NALCN: variants seen among roughly 807,000 people sequenced by gnomAD.
NALCN encodes the protein sodium leak channel NALCN.
A neutral mutation model predicts 225.3 loss-of-function variants in NALCN; 111 were observed. That is an observed-to-expected ratio of 0.49 (90% CI 0.42 to 0.58). The LOEUF is 0.58. NALCN is among the 20% of genes least tolerant of loss of function. The pLI, the probability that NALCN is intolerant of heterozygous loss-of-function variation, is 0.00. For synonymous variants in NALCN, 764 were observed against 769.0 expected, an observed-to-expected ratio of 0.99 and a Z score of 0.11; for missense variants, 1,378 against 2,202.4, an observed-to-expected ratio of 0.63 and a Z score of 7.49.
intron 11 of NALCN, among the ~76,000 whole-genome samples, chr13:101,257,463 A>C (rs778983334): frequency 9.2e-5 from 14 of 152,174 alleles, no homozygotes; most frequent in Non-Finnish European, 1.9e-4. Context: ...GGGTAGACTA[A>C]ATTTTTATTA....
intron 13 of NALCN, among the ~76,000 whole-genome samples, chr13:101,204,632 G>GA (rs1020640411): frequency 4.0e-5 from 6 of 150,776 alleles, no homozygotes; most frequent in East Asian, 1.9e-4. Flanking sequence ...AAGAGTAAAA[G>GA]AAAAAAAAAG....
At chr13:101,398,936 C>T in intron 2 of NALCN, 83 bp downstream of exon 2, 1 of 893,776 alleles carries the variant, frequency 1.1e-6, no homozygotes, top group South Asian at 1.4e-5. Flanking sequence ...ATTTCGAAGC[C>T]AAAGGTACAT....
intron 15 of NALCN, among the ~76,000 whole-genome samples, chr13:101,172,623 C>A (rs1411888443): frequency 6.6e-6 from 1 of 152,048 alleles, no homozygotes; most frequent in Non-Finnish European, 1.5e-5. Flanking sequence ...ACAGTGGCGC[C>A]ATCTTGGCTC....
At chr13:101,271,548 C>T (rs2042774731) in intron 10 of NALCN, among the ~76,000 whole-genome samples, 1 of 151,962 alleles carries the variant, frequency 6.6e-6, no homozygotes, top group Non-Finnish European at 1.5e-5. Flanking sequence ...CAAACTTTTC[C>T]TCCAAGCAGT....
At chr13:101,310,446 T>A (rs1440004627) in intron 7 of NALCN, among the ~76,000 whole-genome samples, 1 of 152,116 alleles carries the variant, frequency 6.6e-6, no homozygotes, top group African/African-American at 2.4e-5. Flanking sequence ...CCCTGCACAC[T>A]CTTCCCCAGA....
At chr13:101,078,031 T>C (rs533943787) in intron 34 of NALCN, among the ~76,000 whole-genome samples, 2 of 152,312 alleles carry the variant, frequency 1.3e-5, no homozygotes, top group Admixed American at 1.3e-4. Context: ...GCCCCACGAC[T>C]TGGTGGCTTA....
At chr13:101,365,297 A>G (rs919714985) in intron 6 of NALCN, among the ~76,000 whole-genome samples, 18 of 152,060 alleles carry the variant, frequency 1.2e-4, no homozygotes, top group Non-Finnish European at 1.9e-4. Context: ...AACAAGCGGT[A>G]TTTGGTTTTC....
intron 7 of NALCN, among the ~76,000 whole-genome samples, chr13:101,297,173 G>A (rs573909879): frequency 6.6e-6 from 1 of 152,152 alleles, no homozygotes; most frequent in East Asian, 1.9e-4. Context: ...AAGTGAGAGG[G>A]TCATAAAATT....
intron 22 of NALCN, 87 bp from the exon 23 acceptor site, chr13:101,105,037 C>A: frequency 8.6e-7 from 1 of 1,166,290 alleles, no homozygotes. Flanking sequence ...ATCTCATCTA[C>A]CTAAAATCTC....
At chr13:101,316,897 C>A (rs1321837754) in intron 7 of NALCN, among the ~76,000 whole-genome samples, 1 of 152,120 alleles carries the variant, frequency 6.6e-6, no homozygotes, top group Non-Finnish European at 1.5e-5. Context: ...TAAGTACTTT[C>A]ATGATGCTAA....
At chr13:101,348,183 T>G (rs978012585) in intron 6 of NALCN, among the ~76,000 whole-genome samples, 4 of 152,144 alleles carry the variant, frequency 2.6e-5, no homozygotes, top group African/African-American at 9.6e-5. Context: ...AAAAATCACA[T>G]TTCAGATATT....
intron 10 of NALCN, among the ~76,000 whole-genome samples, chr13:101,273,193 G>T (rs902193890): frequency 6.6e-6 from 1 of 152,214 alleles, no homozygotes; most frequent in African/African-American, 2.4e-5. Context: ...AAAGTGTCAA[G>T]AGATGAAAAC....
intron 6 of NALCN, chr13:101,372,933 A>T (rs1264897767): frequency 5.0e-6 from 1 of 198,130 alleles, no homozygotes; most frequent in Non-Finnish European, 1.0e-5. Context: ...TTGAGAAGAC[A>T]TAAAAAAATG....
intron 9 of NALCN, 79 bp downstream of exon 9, chr13:101,291,911 T>TC (rs2043568153): frequency 1.4e-6 from 2 of 1,408,266 alleles, no homozygotes; most frequent in Non-Finnish European, 2.0e-6. Context: ...TGCAAGAGCT[T>TC]CCCCAAGGTC....
intron 27 of NALCN, among the ~76,000 whole-genome samples, chr13:101,096,528 G>T (rs1386018098): frequency 6.6e-6 from 1 of 152,142 alleles, no homozygotes; most frequent in Non-Finnish European, 1.5e-5. Flanking sequence ...ACTCTATAGA[G>T]ACAAAAAGAA....
In NALCN at chr13:101,100,778, T is replaced by C. The variant is rs1328741070; in HGVS notation, c.3162+6A>G. On this transcript the variant is annotated splice_donor_region_variant and intron_variant, in intron 27 of 43. Coordinates refer to ENST00000251127, the MANE Select transcript of NALCN (RefSeq NM_052867.4). ...TTATTTCAAAAGACAGAAAGATACA[T>C]CTTACCCTTCTAATAATGTTGGGAT... The C allele has an allele frequency of 6.2e-6, 10 of 1,602,860 alleles. No individual in the cohort carries two copies. Among genetic ancestry groups the C allele is most frequent in the Non-Finnish European group, 8.5e-6 (10 of 1,174,236 alleles).
At chr13:101,129,655 T>G (rs2036416246) in intron 17 of NALCN, among the ~76,000 whole-genome samples, 1 of 152,130 alleles carries the variant, frequency 6.6e-6, no homozygotes. Flanking sequence ...AGTTGGTCAC[T>G]GTTTCAAATA....
intron 30 of NALCN, among the ~76,000 whole-genome samples, chr13:101,088,148 T>G (rs2034024318): frequency 6.6e-6 from 1 of 152,156 alleles, no homozygotes; most frequent in South Asian, 2.1e-4. Flanking sequence ...ATCCCATGTT[T>G]CTGAGGGTCC....
At chr13:101,413,994 T>G (rs2047860398) in intron 1 of NALCN, among the ~76,000 whole-genome samples, 1 of 151,942 alleles carries the variant, frequency 6.6e-6, no homozygotes, top group Non-Finnish European at 1.5e-5. Context: ...CACGCGATCC[T>G]TCCACCTCAG....
Sources: allele counts gnomAD v4.1 joint callset (sites outside exome capture counted in the v4.1 genomes callset), GRCh38; gene constraint gnomAD v4.1.1; transcripts MANE v1.5; gene names NCBI Gene and HGNC (gene_info 2026-07-23, HGNC 2026-07-21).